L3MBTL3: variants seen among roughly 807,000 people sequenced by gnomAD.
L3MBTL3 encodes L3MBTL histone methyl-lysine binding protein 3, also known as lethal(3)malignant brain tumor-like protein 3.
In L3MBTL3, 27 loss-of-function variants were observed where a neutral mutation model predicts 102.3. That is an observed-to-expected ratio of 0.26 (90% CI 0.19 to 0.36). The LOEUF (loss-of-function observed/expected upper bound fraction) is 0.36. L3MBTL3 is among the 10% of genes least tolerant of loss of function. L3MBTL3 has a pLI of 1.00. For missense variants in L3MBTL3, 798 were observed against 955.3 expected (o/e 0.84, Z 2.17); for synonymous variants, 340 against 320.9 (o/e 1.06, Z -0.64).
At chr6:130,131,904 C>T (rs1485784998) in intron 20 of L3MBTL3, among the ~76,000 whole-genome samples, 1 of 152,160 alleles carries the variant, frequency 6.6e-6, no homozygotes, top group Non-Finnish European at 1.5e-5. Context: ...TGACCTGTAT[C>T]TTGTCCACAT....
intron 20 of L3MBTL3, among the ~76,000 whole-genome samples, chr6:130,132,741 T>C (rs978864012): frequency 1.3e-5 from 2 of 151,670 alleles, no homozygotes; most frequent in Admixed American, 1.3e-4. Flanking sequence ...GTTCAGAAGC[T>C]CTAACATAAA....
intron 20 of L3MBTL3, among the ~76,000 whole-genome samples, chr6:130,127,575 T>C (rs1786697856): frequency 6.6e-6 from 1 of 152,202 alleles, no homozygotes; most frequent in African/African-American, 2.4e-5. Context: ...GGCAGGCCTT[T>C]ATCACTAAGA....
intron 19 of L3MBTL3, among the ~76,000 whole-genome samples, chr6:130,119,676 G>C (rs1014508683): frequency 2.5e-4 from 38 of 152,150 alleles, no homozygotes; most frequent in Middle Eastern, 3.2e-3. Context: ...AGCAGTTGTA[G>C]CAAGTTGTCT....
intron 5 of L3MBTL3, among the ~76,000 whole-genome samples, chr6:130,050,404 C>T (rs1021283788): frequency 2.0e-5 from 3 of 152,236 alleles, no homozygotes; most frequent in Non-Finnish European, 2.9e-5. Context: ...TGCCTTTACT[C>T]ATACTGCTTT....
chr6:130,062,281 C>A (rs376946855), intron 10 of L3MBTL3, among the ~76,000 whole-genome samples: 2 of 152,118 alleles, frequency 1.3e-5, no homozygotes, highest in East Asian at 1.9e-4. Context: ...GAGAGCATGA[C>A]CCTTAACAGT....
intron 2 of L3MBTL3, among the ~76,000 whole-genome samples, chr6:130,037,694 T>G (rs1048007893): frequency 2.0e-5 from 3 of 152,200 alleles, no homozygotes; most frequent in African/African-American, 7.2e-5. Flanking sequence ...ATGTGATATT[T>G]TGATACATGC....
chr6:130,094,519 G>C (rs756584274), intron 18 of L3MBTL3, 152 bp downstream of exon 18: 3 of 456,786 alleles, frequency 6.6e-6, no homozygotes, highest in Non-Finnish European at 1.1e-5. Flanking sequence ...TAAAAATGAA[G>C]GGAATATCTA....
chr6:130,095,134 A>G (rs1562305857), intron 18 of L3MBTL3, among the ~76,000 whole-genome samples: 1 of 152,192 alleles, frequency 6.6e-6, no homozygotes, highest in Non-Finnish European at 1.5e-5. Context: ...ATGTTTTAAA[A>G]TAATAATTTG....
At chr6:130,085,904 C>T (rs992037628) in intron 15 of L3MBTL3, among the ~76,000 whole-genome samples, 1 of 152,096 alleles carries the variant, frequency 6.6e-6, no homozygotes, top group African/African-American at 2.4e-5. Flanking sequence ...AGGTGCATGC[C>T]ACCATGCCTG....
Position 130,104,434 on chromosome 6 carries a change from A to G in L3MBTL3, c.1745A>G (p.Asn582Ser), listed in dbSNP as rs775095444. 11 of 1,553,222 alleles carry G rather than the reference A, an allele frequency of 7.1e-6. No individual in the cohort carries two copies. Among genetic ancestry groups the G allele is most frequent in the Admixed American group, 4.0e-5 (2 of 50,386 alleles). ...TTCTTTTAATCTGTTAGTGCTGCCA[A>G]CTGTCCCTATTCAGAAATCAATTTG... ...ARHLGPHSAA[N>S]CPYSEINLNK... The change falls in exon 19 of 23, where the codon AAC becomes AGC. Residue 582 changes from asparagine to serine, a missense_variant. This residue lies in a region of L3MBTL3 where 306 missense variants were observed against 314.4 expected (regional missense o/e 0.97). Transcript: ENST00000361794.
intron 20 of L3MBTL3, among the ~76,000 whole-genome samples, chr6:130,129,330 G>A (rs1786847116): frequency 6.6e-6 from 1 of 152,068 alleles, no homozygotes. Flanking sequence ...AGATTAATTT[G>A]TTCATAAACA....
At chr6:130,056,088 T>C (rs1388619344) in intron 8 of L3MBTL3, among the ~76,000 whole-genome samples, 1 of 151,918 alleles carries the variant, frequency 6.6e-6, no homozygotes, top group African/African-American at 2.4e-5. Flanking sequence ...CCACCAAGCC[T>C]GGCTAATTTT....
At chr6:130,111,598 C>G (rs770161846) in intron 19 of L3MBTL3, among the ~76,000 whole-genome samples, 1 of 152,200 alleles carries the variant, frequency 6.6e-6, no homozygotes, top group African/African-American at 2.4e-5. Context: ...TGTAATAGGA[C>G]TAGCATAAGT....
rs1429673010 is a variant in L3MBTL3 at position 130,052,932 on chromosome 6, C to A, written c.523C>A (p.Pro175Thr). 7 of 1,613,808 alleles carry A rather than the reference C, an allele frequency of 4.3e-6. No individual in the cohort carries two copies. Among genetic ancestry groups the A allele is most frequent in the Admixed American group, 1.7e-5 (1 of 60,006 alleles). Residue 175 changes from proline (P) to threonine (T), a missense_variant, in exon 7 of 23, where the codon CCA (proline) becomes ACA (threonine). Around this residue, in one of 4 missense-constraint regions of L3MBTL3, gnomAD observed 434 missense variants for 506.6 expected, o/e 0.86. Transcript: ENST00000361794. ...EDPKCSRKKK[P>T]KLSLKADTKE... Reference sequence around the variant, plus strand: ...TCCTAAGTGTAGTCGGAAGAAAAAACCAAAATTATCTCTGAAAGCTGACAC... The same window carrying A: ...TCCTAAGTGTAGTCGGAAGAAAAAAACAAAATTATCTCTGAAAGCTGACAC...
rs574976947 is a variant in L3MBTL3 at position 130,057,605 on chromosome 6, G to A, written c.759+108G>A. 10 of 924,034 alleles carry A rather than the reference G, an allele frequency of 1.1e-5. No individual in the cohort carries two copies. The Admixed American group carries it at 2.5e-4, about 23-fold the overall frequency. 57.2% of individuals were successfully genotyped at this position (924,034 alleles called of 1,614,324 possible). ...AATTTGACTTGGGATCATTTTCTCA[G>A]CATACAGTTTTCATGCGTGTGTTTA... On this transcript the variant is annotated intron_variant, in intron 9 of 22. Transcript: ENST00000361794.
At chr6:130,064,892 A>G (rs1782148043) in intron 10 of L3MBTL3, among the ~76,000 whole-genome samples, 1 of 152,180 alleles carries the variant, frequency 6.6e-6, no homozygotes, top group South Asian at 2.1e-4. Flanking sequence ...GCCCACAAGG[A>G]ACTAGAGGCT....
At chr6:130,025,479 G>A (rs1451716514) in intron 2 of L3MBTL3, among the ~76,000 whole-genome samples, 1 of 152,110 alleles carries the variant, frequency 6.6e-6, no homozygotes, top group East Asian at 1.9e-4. Context: ...GGGTATCCTT[G>A]ATATATAACT....
intron 19 of L3MBTL3, among the ~76,000 whole-genome samples, chr6:130,112,731 C>T (rs1785432052): frequency 9.2e-6 from 1 of 108,950 alleles, no homozygotes; most frequent in South Asian, 2.3e-4. Flanking sequence ...ACCCTGAATC[C>T]ACCTGGTATG....
In L3MBTL3 at chr6:130,049,324, G is replaced by A. The variant is rs1780935595; in HGVS notation, c.145G>A (p.Glu49Lys). Residue 49 changes from glutamate to lysine, a missense_variant, in exon 4 of 23, where the codon GAG becomes AAG. Glu to Lys is a moderately conservative substitution (Grantham distance 56, BLOSUM62 1). Transcript: ENST00000361794. The part of the protein sequence containing the change: ...EFGALEVITD[E>K]NEMENVKKAT... ...TGGAGCCCTGGAAGTTATTACAGATGAGAATGAGATGGAAAATGTTAAAAA... is the reference window on the plus strand; with the variant it reads ...TGGAGCCCTGGAAGTTATTACAGATAAGAATGAGATGGAAAATGTTAAAAA... 1 of 1,613,772 alleles carries A rather than the reference G, an allele frequency of 6.2e-7. No individual in the cohort carries two copies. The highest frequency in any genetic ancestry group is 8.5e-7 in the Non-Finnish European group (1 of 1,179,848).
Sources: gnomAD v4.1 joint callset for allele counts (sites outside exome capture counted in the v4.1 genomes callset) on GRCh38, gnomAD v4.1.1 for gene constraint, gnomAD v4.1.1 regional missense constraint, MANE v1.5 for transcripts, NCBI Gene and HGNC (gene_info 2026-07-23, HGNC 2026-07-21) for gene names.